The following JPH2 variants were observed in gnomAD, a reference collection of about 807,000 sequenced individuals.
JPH2 encodes junctophilin 2, also known as junctophilin-2.
Under a neutral mutation model 55.9 loss-of-function variants are expected in JPH2, and 38 were observed. The observed-to-expected ratio is 0.68, with a 90% CI of 0.52 to 0.89. The LOEUF (loss-of-function observed/expected upper bound fraction) is 0.89, where lower values mean the gene tolerates loss of function less well. Among genes scored for constraint, JPH2 ranks in the 40% least tolerant of loss-of-function variants. The pLI, the probability that JPH2 is intolerant of heterozygous loss-of-function variation, is 0.00. For missense variants in JPH2, 964 were observed against 1,037.6 expected (o/e 0.93, Z 0.97); for synonymous variants, 480 against 472.4 (o/e 1.02, Z -0.21).
chr20:44,133,503 C>T (rs1000722563), intron 2 of JPH2, among the ~76,000 whole-genome samples: 3 of 151,972 alleles, frequency 2.0e-5, no homozygotes, highest in East Asian at 1.9e-4. Context: ...TGTGATGGAA[C>T]GGCAGTCTAC....
intron 2 of JPH2, among the ~76,000 whole-genome samples, chr20:44,148,939 C>A (rs181985731): frequency 1.3e-5 from 2 of 152,008 alleles, no homozygotes; most frequent in Admixed American, 6.5e-5. Context: ...TGGTGGTGAG[C>A]GCCCATAGTC....
intron 1 of JPH2, among the ~76,000 whole-genome samples, chr20:44,165,246 T>C (rs896780135): frequency 4.0e-5 from 6 of 151,794 alleles, no homozygotes; most frequent in African/African-American, 1.5e-4. Context: ...TTGATACAGT[T>C]GGTTTTTGTA....
At chr20:44,134,912 A>AT (rs2072397708) in intron 2 of JPH2, among the ~76,000 whole-genome samples, 2 of 89,022 alleles carry the variant, frequency 2.2e-5, no homozygotes, top group African/African-American at 8.8e-5. Flanking sequence ...ATATATATAT[A>AT]AAATATATAT....
At chr20:44,120,428 A>G (rs556058046) in intron 2 of JPH2, among the ~76,000 whole-genome samples, 3 of 152,250 alleles carry the variant, frequency 2.0e-5, no homozygotes, top group African/African-American at 4.8e-5. Flanking sequence ...TAACAGTCCA[A>G]TTTCCTAATG....
At chr20:44,176,723 G>A (rs1036577720) in intron 1 of JPH2, 4 of 280,412 alleles carry the variant, frequency 1.4e-5, no homozygotes, top group African/African-American at 9.1e-5. Context: ...GAGCCCAGGA[G>A]GTCGAGGCTG....
intron 2 of JPH2, among the ~76,000 whole-genome samples, chr20:44,147,984 G>A (rs1181685262): frequency 6.6e-6 from 1 of 152,128 alleles, no homozygotes; most frequent in Admixed American, 6.5e-5. Flanking sequence ...CCAACATGGT[G>A]AAACCTTGTT....
At chr20:44,116,410 TG>T in intron 3 of JPH2, 24 bp from the exon 4 acceptor site, 1 of 1,545,292 alleles carries the variant, frequency 6.5e-7, no homozygotes. Flanking sequence ...ACAGGGAGGC[TG>T]GGCTCGAACC....
rs2072845419 is a variant in JPH2, at chr20:44,186,525, C to T, written c.181G>A (p.Glu61Lys). Reference sequence around the variant, plus strand: ...CGTTTGCCCTGGCTCCAGTATCCCTCAAAGGTGTTTCCGCTGGGCCAGGTG... The same window carrying T: ...CGTTTGCCCTGGCTCCAGTATCCCTTAAAGGTGTTTCCGCTGGGCCAGGTG... ...VYTWPSGNTF[E>K]GYWSQGKRHG... The change falls in exon 1 of 6, where the codon GAG (glutamate) becomes AAG (lysine). Residue 61 changes from glutamate to lysine, a missense_variant. Coordinates refer to ENST00000372980, the MANE Select transcript of JPH2 (RefSeq NM_020433.5). The T allele has an allele frequency of 6.2e-7, 1 of 1,613,722 alleles. No individual in the cohort carries two copies. The highest frequency in any genetic ancestry group is 8.5e-7 in the Non-Finnish European group (1 of 1,179,758).
In JPH2 at chr20:44,108,647, A is replaced by AAT; in HGVS notation, c.*4870_*4871insAT. ...GACTCTGTCTCAAAAAAAAAAAAAA[A>AAT]GAAAAGAGGAAGAAGAAGTGACTGT... On this transcript the variant is annotated 3_prime_UTR_variant, in exon 6 of 6. Coordinates refer to ENST00000372980, the MANE Select transcript of JPH2 (RefSeq NM_020433.5). Among the ~76,000 whole-genome samples, 1 of 150,852 alleles carries AAT rather than the reference A, an allele frequency of 6.6e-6. No homozygotes were observed. Among genetic ancestry groups the AAT allele is most frequent in the South Asian group, 2.1e-4 (1 of 4,756 alleles).
intron 1 of JPH2, among the ~76,000 whole-genome samples, chr20:44,164,832 T>G (rs1269551556): frequency 2.0e-5 from 3 of 151,330 alleles, no homozygotes; most frequent in Non-Finnish European, 4.4e-5. Flanking sequence ...TGCACCTTTT[T>G]TTTTTTTTTT....
intron 1 of JPH2, among the ~76,000 whole-genome samples, chr20:44,174,944 G>A (rs1415631735): frequency 6.6e-6 from 1 of 151,968 alleles, no homozygotes; most frequent in African/African-American, 2.4e-5. Context: ...GGTTGCGGTG[G>A]GCCAAGATCC....
intron 1 of JPH2, among the ~76,000 whole-genome samples, chr20:44,174,057 C>T (rs4812790): frequency 0.36 from 54,253 of 152,162 alleles, 10,453 homozygotes; most frequent in Admixed American, 0.52. Context: ...CTGAGTAGCA[C>T]TATAGCCTAC....
At chr20:44,146,274 C>G (rs533876639) in intron 2 of JPH2, among the ~76,000 whole-genome samples, 1 of 152,034 alleles carries the variant, frequency 6.6e-6, no homozygotes, top group South Asian at 2.1e-4. Context: ...ACCTTGTGAT[C>G]TGCCCTCCTC....
In JPH2 at chr20:44,116,159, G is replaced by A. The variant is rs772755219; in HGVS notation, c.1516C>T (p.Leu506=). Residue 506 remains leucine, a synonymous_variant, in exon 4 of 6, where the codon CTG becomes TTG. Coordinates refer to ENST00000372980, the MANE Select transcript of JPH2 (RefSeq NM_020433.5). ...CCGTTCCAGGCGCCTGGGCTCAGCA[G>A]GCCGTCCTTGGACACCCCGGGCCTG... ...RPRPGVSKDG[L]LSPGAWNGEP... 1 of 1,421,180 alleles carries A rather than the reference G, an allele frequency of 7.0e-7. No homozygotes were observed. Among genetic ancestry groups the A allele is most frequent in the East Asian group, 2.8e-5 (1 of 35,408 alleles). 88.0% of individuals were successfully genotyped at this position (1,421,180 alleles called of 1,614,324 possible).
Position 44,112,646 on chromosome 20 carries a change from C to T in JPH2, c.*872G>A, listed in dbSNP as rs557769075. The T allele has an allele frequency of 6.6e-6, 1 of 152,440 alleles. No individual in the cohort carries two copies. Among genetic ancestry groups the T allele is most frequent in the South Asian group, 2.1e-4 (1 of 4,826 alleles). The allele number at this position is 152,440 out of a possible 1,614,324, so 9.4% of individuals were successfully genotyped here. The stretch of plus-strand genomic sequence containing the variant: ...AGACAAGCCATTTCACAGGGCATCA[C>T]AGGAGATTTCTCGCCGGCCCCAGGC... On this transcript the variant is annotated 3_prime_UTR_variant, in exon 6 of 6. Transcript: ENST00000372980.
intron 2 of JPH2, among the ~76,000 whole-genome samples, chr20:44,133,707 A>T (rs2072341251): frequency 6.6e-6 from 1 of 151,070 alleles, no homozygotes; most frequent in African/African-American, 2.4e-5. Context: ...AAGAAGAGGG[A>T]AAGGCCTGGG....
intron 2 of JPH2, among the ~76,000 whole-genome samples, chr20:44,121,104 T>C (rs1043399102): frequency 3.3e-5 from 5 of 152,206 alleles, no homozygotes; most frequent in African/African-American, 9.7e-5. Context: ...AAAGACTTAA[T>C]GTTGATGGGT....
At chr20:44,180,372 C>T (rs1196229732) in intron 1 of JPH2, among the ~76,000 whole-genome samples, 1 of 151,806 alleles carries the variant, frequency 6.6e-6, no homozygotes, top group Non-Finnish European at 1.5e-5. Context: ...CATTCTGTTG[C>T]ATAGCCTGGA....
Position 44,106,773 on chromosome 20 carries a change from C to T in JPH2, c.*6745G>A, listed in dbSNP as rs774991097. Among the ~76,000 whole-genome samples the T allele has an allele frequency of 2.6e-5, 4 of 152,084 alleles. No individual in the cohort carries two copies. The highest frequency in any genetic ancestry group is 4.8e-5 in the African/African-American group (2 of 41,396). ...ATCTCATGAGACTTATTCACTACCA[C>T]GAGAACGGCACGGGAAAGGCTTGCC... On this transcript the variant is annotated 3_prime_UTR_variant, in exon 6 of 6. Transcript: ENST00000372980.
Sources: gnomAD v4.1 joint callset for allele counts (sites outside exome capture counted in the v4.1 genomes callset) on GRCh38, gnomAD v4.1.1 for gene constraint, MANE v1.5 for transcripts, NCBI Gene and HGNC (gene_info 2026-07-23, HGNC 2026-07-21) for gene names.